BLTP2: variants seen among roughly 807,000 people sequenced by gnomAD.
The protein encoded by BLTP2 is bridge-like lipid transfer protein family member 2, also known as U937-associated antigen.
chr17:28,623,642 T>G, the BLTP2 span: 50 of 829,414 alleles, frequency 6.0e-5, no homozygotes, highest in Admixed American at 2.3e-5. Flanking sequence ...CAAGGTGTTA[T>G]TAGCCTCATT....
chr17:28,629,133 T>G, the BLTP2 span, among the ~76,000 whole-genome samples: 7 of 152,068 alleles, frequency 4.6e-5, no homozygotes, highest in East Asian at 1.3e-3. Context: ...GGTCTTGAAC[T>G]CCTGGCTTCA....
the BLTP2 span, chr17:28,642,208 C>A: frequency 1.3e-6 from 2 of 1,588,236 alleles, no homozygotes; most frequent in East Asian, 4.5e-5. Flanking sequence ...AGGATGTAAG[C>A]CCTAAGCTCC....
chr17:28,618,568 CT>C, the BLTP2 span: 2 of 372,898 alleles, frequency 5.4e-6, no homozygotes, highest in East Asian at 4.0e-5. Context: ...TACTCTCCCC[CT>C]ATGGCATCAG....
the BLTP2 span, among the ~76,000 whole-genome samples, chr17:28,632,699 TGA>T: frequency 1.1e-3 from 174 of 152,254 alleles, no homozygotes; most frequent in Non-Finnish European, 1.9e-3. Flanking sequence ...TCCAGAACTG[TGA>T]GAGATAAACG....
chr17:28,643,976 C>T, the BLTP2 span: 3 of 1,508,224 alleles, frequency 2.0e-6, no homozygotes, highest in African/African-American at 4.2e-5. Flanking sequence ...ACCAGGATTT[C>T]TATTTTTAAA....
At chr17:28,643,243 G>A in the BLTP2 span, 478 of 1,614,168 alleles carry the variant, frequency 3.0e-4, 2 homozygotes, top group South Asian at 3.8e-3. Context: ...GAATGGGGCA[G>A]ACAGGTCAGA....
chr17:28,631,997 A>G, the BLTP2 span: 2 of 1,608,052 alleles, frequency 1.2e-6, no homozygotes, highest in East Asian at 2.2e-5. Flanking sequence ...AGAAACAAGA[A>G]AACTAGAAGC....
chr17:28,635,074 A>G, the BLTP2 span: 190 of 1,613,370 alleles, frequency 1.2e-4, no homozygotes, highest in Non-Finnish European at 1.9e-5. Flanking sequence ...AGCCTCATCT[A>G]GAGTTCGAGA....
chr17:28,621,640 C>T, the BLTP2 span: 2 of 655,702 alleles, frequency 3.1e-6, no homozygotes, highest in Non-Finnish European at 5.5e-6. Context: ...AACCATATCT[C>T]CCAGGATAGA....
the BLTP2 span, among the ~76,000 whole-genome samples, chr17:28,628,782 A>G: frequency 6.6e-6 from 1 of 152,150 alleles, no homozygotes; most frequent in African/African-American, 2.4e-5. Flanking sequence ...AAAATACAAA[A>G]AATTAGCTGG....
At chr17:28,643,566 C>T in the BLTP2 span, 6 of 1,584,586 alleles carry the variant, frequency 3.8e-6, no homozygotes, top group Non-Finnish European at 4.3e-6. Flanking sequence ...ACACCAACTC[C>T]AAAGTACTCT....
the BLTP2 span, chr17:28,634,692 A>T: frequency 6.2e-7 from 1 of 1,614,196 alleles, no homozygotes; most frequent in East Asian, 2.2e-5. Flanking sequence ...CTAAGCTCCA[A>T]GTAAGCAGTG....
the BLTP2 span, among the ~76,000 whole-genome samples, chr17:28,625,657 C>T: frequency 6.6e-6 from 1 of 152,116 alleles, no homozygotes; most frequent in African/African-American, 2.4e-5. Flanking sequence ...TAATTTTCTC[C>T]CTTAAACTCC....
chr17:28,643,001 G>A, the BLTP2 span: 38 of 1,542,838 alleles, frequency 2.5e-5, no homozygotes, highest in East Asian at 1.6e-4. Context: ...GAAGGAAGAA[G>A]CAAGGATGAA....
At chr17:28,625,367 AAAAG>A in the BLTP2 span, among the ~76,000 whole-genome samples, 1 of 150,842 alleles carries the variant, frequency 6.6e-6, no homozygotes, top group African/African-American at 2.4e-5. Flanking sequence ...AAGAAAAAGA[AAAAG>A]AAAAAGAAAA....
the BLTP2 span, chr17:28,639,778 A>G: frequency 3.5e-6 from 5 of 1,431,010 alleles, no homozygotes; most frequent in Non-Finnish European, 3.9e-6. Flanking sequence ...TTCTCTCAGT[A>G]TGTTCCCTCC....
the BLTP2 span, chr17:28,634,950 C>T: frequency 1.2e-6 from 2 of 1,613,662 alleles, no homozygotes; most frequent in South Asian, 1.1e-5. Context: ...CCAAGAAAAC[C>T]CATGAGAAGT....
chr17:28,621,385 G>C, the BLTP2 span: 13 of 1,605,320 alleles, frequency 8.1e-6, no homozygotes, highest in South Asian at 2.2e-5. Context: ...ATGCAGAGGA[G>C]GGGGAGGGCT....
chr17:28,619,804 C>A, the BLTP2 span: 10 of 1,613,796 alleles, frequency 6.2e-6, no homozygotes, highest in East Asian at 2.2e-4. Flanking sequence ...AACTGAGAGA[C>A]CGCCCTCGTT....
Sources: allele counts gnomAD v4.1 joint callset (sites outside exome capture counted in the v4.1 genomes callset), GRCh38; gene constraint gnomAD v4.1.1; transcripts MANE v1.5; gene names NCBI Gene and HGNC (gene_info 2026-07-23, HGNC 2026-07-21).